CTNNA3: variants seen among roughly 807,000 people sequenced by gnomAD.
CTNNA3 encodes catenin alpha-3.
Under a neutral mutation model 95.7 loss-of-function variants are expected in CTNNA3, and 76 were observed. The ratio of observed to expected loss-of-function variants is 0.79; its 90% CI spans 0.66 to 0.96. CTNNA3 has a LOEUF of 0.96. Ranked by LOEUF, CTNNA3 falls within the 40% of genes least tolerant of loss-of-function variation. CTNNA3 has a pLI of 0.00. For missense variants in CTNNA3, 1,191 were observed against 1,089.8 expected, an observed-to-expected ratio of 1.09 and a Z score of -1.31; for synonymous variants, 431 against 374.4, an observed-to-expected ratio of 1.15 and a Z score of -1.74.
chr10:67,059,326 T>C (rs1418372518), intron 7 of CTNNA3, among the ~76,000 whole-genome samples: 1 of 152,190 alleles, frequency 6.6e-6, no homozygotes, highest in Non-Finnish European at 1.5e-5. Context: ...GAGACTTCTA[T>C]TTCAGCAGAG....
intron 7 of CTNNA3, among the ~76,000 whole-genome samples, chr10:67,058,662 A>G (rs756654950): frequency 5.9e-5 from 9 of 152,140 alleles, no homozygotes; most frequent in Non-Finnish European, 1.3e-4. Context: ...TTTAGGGAAC[A>G]TGCTGATGTA....
intron 5 of CTNNA3, among the ~76,000 whole-genome samples, chr10:67,325,132 T>G (rs1841489270): frequency 6.6e-6 from 1 of 152,154 alleles, no homozygotes. Flanking sequence ...CTCTCTTTCC[T>G]TCTTTATTAG....
At chr10:66,742,768 T>C (rs1849370772) in intron 9 of CTNNA3, among the ~76,000 whole-genome samples, 1 of 152,204 alleles carries the variant, frequency 6.6e-6, no homozygotes, top group Admixed American at 6.5e-5. Context: ...GATATCTAAT[T>C]ATCAAGACAA....
intron 10 of CTNNA3, among the ~76,000 whole-genome samples, chr10:66,532,122 A>G (rs1564515724): frequency 6.6e-6 from 1 of 152,162 alleles, no homozygotes; most frequent in Non-Finnish European, 1.5e-5. Context: ...GCTATTCATT[A>G]ATTGCCAAAG....
chr10:65,994,427 A>AT (rs55754039), intron 15 of CTNNA3, among the ~76,000 whole-genome samples: 15,465 of 145,102 alleles, frequency 0.11, 972 homozygotes, highest in East Asian at 0.33. Context: ...CTGGATTGAC[A>AT]TTTTTTTTTT....
chr10:67,231,721 G>T (rs1282659038), intron 5 of CTNNA3, among the ~76,000 whole-genome samples: 6 of 152,156 alleles, frequency 3.9e-5, no homozygotes, highest in Admixed American at 3.3e-4. Context: ...CCGAGCTACA[G>T]GAGGACATTC....
intron 1 of CTNNA3, among the ~76,000 whole-genome samples, chr10:67,661,654 G>C (rs1195287671): frequency 6.6e-6 from 1 of 151,388 alleles, no homozygotes; most frequent in East Asian, 1.9e-4. Context: ...TTGTATCCAG[G>C]AAATAAAAAG....
intron 7 of CTNNA3, among the ~76,000 whole-genome samples, chr10:66,908,910 G>C (rs1846107065): frequency 6.6e-6 from 1 of 152,116 alleles, no homozygotes; most frequent in Non-Finnish European, 1.5e-5. Flanking sequence ...TAATTCTTCA[G>C]CACCTAGAAT....
chr10:66,414,422 T>C (rs1479464396), intron 11 of CTNNA3, among the ~76,000 whole-genome samples: 6 of 152,056 alleles, frequency 3.9e-5, no homozygotes, highest in Non-Finnish European at 8.8e-5. Context: ...GACTCCCCAA[T>C]AGAGGGAAAC....
intron 7 of CTNNA3, among the ~76,000 whole-genome samples, chr10:66,825,832 G>A (rs1211185802): frequency 2.0e-5 from 3 of 152,020 alleles, no homozygotes; most frequent in Non-Finnish European, 2.9e-5. Context: ...AAGCCAAAAT[G>A]CTCTCCCAAA....
chr10:66,045,644 T>C (rs954958477), intron 15 of CTNNA3, among the ~76,000 whole-genome samples: 8 of 152,204 alleles, frequency 5.3e-5, no homozygotes, highest in African/African-American at 1.7e-4. Flanking sequence ...GTTGCTACTA[T>C]GTATTTCCAC....
chr10:66,360,804 CCTTCCTTCCTTCCTTTCTTTCTTTCTTT>C lies in CTNNA3; in HGVS notation c.1732+18320_1732+18347del, dbSNP rs1363532739. On this transcript the variant is annotated intron_variant, in intron 12 of 17. Transcript: ENST00000433211. Reference sequence around the variant, plus strand: ...TTCTTTCTTCCTTCCTTCCTTCCTTCCTTCCTTCCTTCCTTTCTTTCTTTCTTTCTTTCTTTCTTTCTTTCTTTCTTTC... The same window carrying C: ...TTCTTTCTTCCTTCCTTCCTTCCTTCCTTTCTTTCTTTCTTTCTTTCTTTC... 7.6e-3 allele frequency among the ~76,000 whole-genome samples: 528 copies of C among 69,872 alleles called. 24 individuals carry two copies. The highest frequency in any genetic ancestry group is 0.026 in the African/African-American group (503 of 19,074). The allele number at this position is 69,872 out of a possible 152,430, so 45.8% of individuals were successfully genotyped here.
chr10:67,268,991 T>C (rs548375556), intron 5 of CTNNA3, among the ~76,000 whole-genome samples: 1 of 152,156 alleles, frequency 6.6e-6, no homozygotes, highest in Non-Finnish European at 1.5e-5. Flanking sequence ...GATTTGAACA[T>C]CTGAATCCAG....
chr10:67,437,462 A>C lies in CTNNA3; in HGVS notation c.579+84380T>G, dbSNP rs1055838907. Among the ~76,000 whole-genome samples, 5 of 149,844 alleles carry C rather than the reference A, an allele frequency of 3.3e-5. No individual in the cohort carries two copies. In the East Asian group the frequency reaches 9.7e-4, roughly 29 times the overall value. On this transcript the variant is annotated intron_variant, in intron 5 of 17. Coordinates refer to ENST00000433211, the MANE Select transcript of CTNNA3 (RefSeq NM_013266.4). ...ACCAAATACCATCTGTACCCCAATA[A>C]ATTTAATAAATACCCCAATAAATTT...
At chr10:66,942,828 ACAATAT>A (rs1306908745) in intron 7 of CTNNA3, among the ~76,000 whole-genome samples, 2 of 152,326 alleles carry the variant, frequency 1.3e-5, no homozygotes, top group African/African-American at 4.8e-5. Context: ...GGAAGAAAAC[ACAATAT>A]CAATATTTAT....
chr10:66,942,083 T>C (rs1848027902), intron 7 of CTNNA3, among the ~76,000 whole-genome samples: 1 of 152,146 alleles, frequency 6.6e-6, no homozygotes, highest in Admixed American at 6.5e-5. Context: ...ATGGGAACAA[T>C]ACTTCATGTC....
intron 15 of CTNNA3, among the ~76,000 whole-genome samples, chr10:66,033,166 T>C (rs1239005343): frequency 6.8e-6 from 1 of 146,972 alleles, no homozygotes; most frequent in African/African-American, 2.5e-5. Flanking sequence ...AGTCTCGCTC[T>C]GTCACCCAGG....
At chr10:67,442,786 ACTTT>A (rs1403039042) in intron 5 of CTNNA3, among the ~76,000 whole-genome samples, 1 of 151,746 alleles carries the variant, frequency 6.6e-6, no homozygotes. Context: ...TTAACACCCT[ACTTT>A]CTTTTTTTTT....
chr10:67,423,159 T>A (rs1845806649), intron 5 of CTNNA3, among the ~76,000 whole-genome samples: 1 of 152,142 alleles, frequency 6.6e-6, no homozygotes, highest in Non-Finnish European at 1.5e-5. Context: ...TAGCATCTCT[T>A]AGTCCTTCTT....
Sources: allele counts gnomAD v4.1 joint callset (sites outside exome capture counted in the v4.1 genomes callset), GRCh38; gene constraint gnomAD v4.1.1; transcripts MANE v1.5; gene names NCBI Gene and HGNC (gene_info 2026-07-23, HGNC 2026-07-21).